The following CCDC138 variants were observed in gnomAD, a reference collection of about 807,000 sequenced individuals.
The protein encoded by CCDC138 is coiled-coil domain-containing protein 138.
Under a neutral mutation model 82.3 loss-of-function variants are expected in CCDC138, and 66 were observed. That is an observed-to-expected ratio of 0.80 (90% CI 0.66 to 0.98). CCDC138 has a LOEUF of 0.98. Ranked by LOEUF, CCDC138 falls within the 50% of genes least tolerant of loss-of-function variation. The pLI, the probability that CCDC138 is intolerant of heterozygous loss-of-function variation, is 0.00. For missense variants in CCDC138, 816 were observed against 758.9 expected, an observed-to-expected ratio of 1.08 and a Z score of -0.88; for synonymous variants, 297 against 265.4, an observed-to-expected ratio of 1.12 and a Z score of -1.16.
intron 13 of CCDC138, among the ~76,000 whole-genome samples, chr2:108,869,328 G>T (rs1694889178): frequency 6.6e-6 from 1 of 152,186 alleles, no homozygotes; most frequent in Admixed American, 6.5e-5. Context: ...GCACAGTGCA[G>T]CACAAAGAGA....
chr2:108,833,837 C>A (rs1358537779), intron 10 of CCDC138, among the ~76,000 whole-genome samples: 1 of 149,860 alleles, frequency 6.7e-6, no homozygotes, highest in Non-Finnish European at 1.5e-5. Flanking sequence ...ACGCCATTCT[C>A]CTGCCTCAGC....
chr2:108,798,901 C>T (rs1037367522), intron 6 of CCDC138, among the ~76,000 whole-genome samples: 4 of 151,750 alleles, frequency 2.6e-5, no homozygotes, highest in African/African-American at 4.8e-5. Context: ...ATGATTCTGT[C>T]CCTAAATACC....
At chr2:108,869,723 C>T (rs1337282314) in intron 13 of CCDC138, among the ~76,000 whole-genome samples, 1 of 152,140 alleles carries the variant, frequency 6.6e-6, no homozygotes, top group Non-Finnish European at 1.5e-5. Context: ...CAGGCCCAGA[C>T]AGGATGCATG....
Position 108,815,877 on chromosome 2 carries a change from G to C in CCDC138, c.1042-64G>C. 6.0e-6 allele frequency: 8 copies of C among 1,334,542 alleles called. No individual in the cohort carries two copies. In the South Asian group the frequency reaches 1.1e-4, roughly 18 times the overall value. The allele number at this position is 1,334,542 out of a possible 1,614,324, so 82.7% of individuals were successfully genotyped here. Reference sequence around the variant, plus strand: ...TATTCTTATTACTTAACAAATTTAAGGTTTGTCTTTGAAGTTTTATGAAGT... The same window carrying C: ...TATTCTTATTACTTAACAAATTTAACGTTTGTCTTTGAAGTTTTATGAAGT... On this transcript the variant is annotated intron_variant, in intron 9 of 14. Transcript: ENST00000295124.
At chr2:108,872,597 A>C (rs554347135) in intron 13 of CCDC138, among the ~76,000 whole-genome samples, 1 of 152,268 alleles carries the variant, frequency 6.6e-6, no homozygotes, top group South Asian at 2.1e-4. Context: ...TGGGAAATCC[A>C]GTATCAAGAT....
At position 108,875,081 on chromosome 2, in the gene CCDC138, TTAAAA is replaced by T. The variant is rs1227355967; in HGVS notation, c.1833-1002_1833-998del. Reference sequence around the variant, plus strand: ...GGAATAGTTGATGCTCAAGCAGATCTTAAAATAAATCTTTAAGACCACAAAAGATG... The same window carrying T: ...GGAATAGTTGATGCTCAAGCAGATCTTAAATCTTTAAGACCACAAAAGATG... On this transcript the variant is annotated intron_variant, in intron 14 of 14. Coordinates refer to ENST00000295124, the MANE Select transcript of CCDC138 (RefSeq NM_144978.3). Among the ~76,000 whole-genome samples, 6 of 152,098 alleles carry T rather than the reference TTAAAA, an allele frequency of 3.9e-5. No individual in the cohort carries two copies. In the East Asian group the frequency reaches 9.7e-4, roughly 25 times the overall value.
At chr2:108,873,982 ATATT>A (rs1462012012) in intron 14 of CCDC138, among the ~76,000 whole-genome samples, 2 of 152,190 alleles carry the variant, frequency 1.3e-5, no homozygotes, top group African/African-American at 4.8e-5. Flanking sequence ...CTAAGACCAC[ATATT>A]TAGTGACAGA....
chr2:108,836,913 T>C (rs1164636282), intron 10 of CCDC138, among the ~76,000 whole-genome samples: 1 of 152,216 alleles, frequency 6.6e-6, no homozygotes, highest in Non-Finnish European at 1.5e-5. Flanking sequence ...ATTGATTTTG[T>C]ATTCAGCAAC....
intron 10 of CCDC138, among the ~76,000 whole-genome samples, chr2:108,835,039 A>G (rs976242621): frequency 1.3e-5 from 2 of 152,242 alleles, no homozygotes; most frequent in Non-Finnish European, 2.9e-5. Flanking sequence ...TTGAGATTCA[A>G]ATAATGCTGC....
In CCDC138 at chr2:108,876,165, A is replaced by T; in HGVS notation, c.1910A>T (p.His637Leu). 3.1e-6 allele frequency: 5 copies of T among 1,612,828 alleles called. No individual in the cohort carries two copies. Among genetic ancestry groups the T allele is most frequent in the Non-Finnish European group, 4.2e-6 (5 of 1,178,960 alleles). ...QEIQRTTNPEHAFLCINLNST... is the reference protein window; with the variant it reads ...QEIQRTTNPELAFLCINLNST... ...ATACAAAGGACAACAAACCCAGAGC[A>T]TGCATTTCTCTGTATTAATCTAAAT... Residue 637 changes from histidine (H) to leucine (L), a missense_variant, in exon 15 of 15, where the codon CAT becomes CTT. Transcript: ENST00000295124.
intron 10 of CCDC138, among the ~76,000 whole-genome samples, chr2:108,828,221 A>G (rs948045915): frequency 6.6e-6 from 1 of 152,234 alleles, no homozygotes; most frequent in Non-Finnish European, 1.5e-5. Context: ...CCAAAAATAT[A>G]ACATTAAATA....
At chr2:108,850,139 GA>G (rs1202088476) in intron 12 of CCDC138, among the ~76,000 whole-genome samples, 2 of 152,138 alleles carry the variant, frequency 1.3e-5, no homozygotes, top group South Asian at 2.1e-4. Context: ...TAAATATACT[GA>G]AAAAAATTCT....
At chr2:108,853,465 A>G (rs1316255028) in intron 12 of CCDC138, among the ~76,000 whole-genome samples, 1 of 152,082 alleles carries the variant, frequency 6.6e-6, no homozygotes, top group Non-Finnish European at 1.5e-5. Context: ...TTTAATCTAG[A>G]AATTGTTAAA....
chr2:108,807,446 A>G (rs1390697262), intron 7 of CCDC138, among the ~76,000 whole-genome samples: 2 of 152,190 alleles, frequency 1.3e-5, no homozygotes, highest in East Asian at 3.8e-4. Context: ...GTAATGTGTA[A>G]TGATCACAGT....
intron 10 of CCDC138, among the ~76,000 whole-genome samples, chr2:108,833,711 T>G (rs537558787): frequency 6.7e-6 from 1 of 148,628 alleles, no homozygotes; most frequent in South Asian, 2.1e-4. Context: ...AAATCAAAAT[T>G]TAATGTGGAG....
intron 11 of CCDC138, among the ~76,000 whole-genome samples, chr2:108,845,861 G>A (rs149570177): frequency 4.4e-4 from 67 of 152,240 alleles, no homozygotes; most frequent in African/African-American, 1.5e-3. Context: ...GTGAGCCACC[G>A]CGCCCAGCCT....
At chr2:108,880,285 C>T (rs1009861579), downstream of CCDC138, among the ~76,000 whole-genome samples, 2 of 151,512 alleles carry the variant, frequency 1.3e-5, no homozygotes, top group Non-Finnish European at 2.9e-5. Flanking sequence ...GGGGACAGTA[C>T]TGTAGATTCC....
At chr2:108,787,710 T>G (rs957671868) in intron 1 of CCDC138, among the ~76,000 whole-genome samples, 3 of 152,142 alleles carry the variant, frequency 2.0e-5, no homozygotes, top group Non-Finnish European at 4.4e-5. Flanking sequence ...TCTGTAAGGT[T>G]GTTTTTTTTT....
At chr2:108,832,319 A>G (rs983593802) in intron 10 of CCDC138, among the ~76,000 whole-genome samples, 2 of 145,586 alleles carry the variant, frequency 1.4e-5, no homozygotes, top group African/African-American at 5.1e-5. Flanking sequence ...GACCCACCAC[A>G]CCTGGCCAGA....
Sources: gnomAD v4.1 joint callset for allele counts (sites outside exome capture counted in the v4.1 genomes callset) on GRCh38, gnomAD v4.1.1 for gene constraint, MANE v1.5 for transcripts, NCBI Gene and HGNC (gene_info 2026-07-23, HGNC 2026-07-21) for gene names.